Variants in RGL1 observed in about 807,000 individuals in gnomAD.
The protein encoded by RGL1 is ral guanine nucleotide dissociation stimulator like 1, also known as ral guanine nucleotide dissociation stimulator-like 1.
Under a neutral mutation model 95.2 loss-of-function variants are expected in RGL1, and 24 were observed. That is an observed-to-expected ratio of 0.25 (90% CI 0.18 to 0.35). RGL1 has a LOEUF of 0.35. Ranked by LOEUF, RGL1 falls within the 10% of genes least tolerant of loss-of-function variation. RGL1 has a pLI of 1.00. For synonymous variants in RGL1, 329 were observed against 344.9 expected, an observed-to-expected ratio of 0.95 and a Z score of 0.51; for missense variants, 715 against 936.3, an observed-to-expected ratio of 0.76 and a Z score of 3.08.
intron 1 of RGL1, among the ~76,000 whole-genome samples, chr1:183,668,375 C>T (rs1410484200): frequency 6.6e-6 from 1 of 151,954 alleles, no homozygotes; most frequent in African/African-American, 2.4e-5. Context: ...TTCTTCCACT[C>T]TCTTCTTGCT....
intron 17 of RGL1, among the ~76,000 whole-genome samples, chr1:183,924,209 A>G (rs149433797): frequency 1.3e-5 from 2 of 152,220 alleles, no homozygotes; most frequent in Non-Finnish European, 2.9e-5. Flanking sequence ...AAAACCTGGA[A>G]CCAACGCAAA....
At chr1:183,785,904 G>A (rs925439516) in intron 2 of RGL1, among the ~76,000 whole-genome samples, 6 of 152,126 alleles carry the variant, frequency 3.9e-5, no homozygotes, top group African/African-American at 1.2e-4. Flanking sequence ...GGGCAACAGA[G>A]TGTGACCCCA....
chr1:183,873,985 A>G (rs1457003267), intron 4 of RGL1, among the ~76,000 whole-genome samples: 1 of 152,168 alleles, frequency 6.6e-6, no homozygotes, highest in Non-Finnish European at 1.5e-5. Context: ...ATTTTTTTCA[A>G]TAGAGTTCTA....
intron 2 of RGL1, among the ~76,000 whole-genome samples, chr1:183,812,013 T>C (rs1661749506): frequency 6.6e-6 from 1 of 152,220 alleles, no homozygotes; most frequent in Non-Finnish European, 1.5e-5. Context: ...AGCTGGAATT[T>C]GTCACTGCCC....
In RGL1 at chr1:183,911,956, AAAT is replaced by A. The variant is rs1459504909; in HGVS notation, c.1563-119_1563-117del. The A allele has an allele frequency of 5.1e-6, 4 of 784,580 alleles. No individual in the cohort carries two copies. The African/African-American group carries it at 7.0e-5, about 14-fold the overall frequency. The allele number at this position is 784,580 out of a possible 1,614,324, so 48.6% of individuals were successfully genotyped here. The stretch of plus-strand genomic sequence containing the variant: ...AAACTTTATAGCGAATGTCCTCCTA[AAAT>A]AATAATGACAGAACACACAAGACTG... On this transcript the variant is annotated intron_variant, in intron 14 of 17. Coordinates refer to ENST00000360851, the MANE Select transcript of RGL1 (RefSeq NM_001297671.3).
At chr1:183,683,894 T>C (rs1558151813) in intron 1 of RGL1, among the ~76,000 whole-genome samples, 1 of 152,318 alleles carries the variant, frequency 6.6e-6, no homozygotes, top group Non-Finnish European at 1.5e-5. Context: ...AATCTTGTCT[T>C]CACACTTTAT....
chr1:183,645,801 A>G (rs1314207429), intron 1 of RGL1, among the ~76,000 whole-genome samples: 1 of 152,252 alleles, frequency 6.6e-6, no homozygotes, highest in Non-Finnish European at 1.5e-5. Context: ...TGCCTTGGAC[A>G]GTATATCTTT....
chr1:183,687,371 G>C (rs1407377433), intron 1 of RGL1, among the ~76,000 whole-genome samples: 1 of 152,190 alleles, frequency 6.6e-6, no homozygotes, highest in Admixed American at 6.5e-5. Flanking sequence ...TGCTTGTTCA[G>C]TAGTTGGGAA....
chr1:183,655,899 C>T (rs529557454), intron 1 of RGL1, among the ~76,000 whole-genome samples: 105 of 152,266 alleles, frequency 6.9e-4, no homozygotes, highest in African/African-American at 2.5e-3. Context: ...CTAAAGAAGG[C>T]TTCCAACTCT....
At chr1:183,676,392 T>C (rs1221296480) in intron 1 of RGL1, among the ~76,000 whole-genome samples, 2 of 151,018 alleles carry the variant, frequency 1.3e-5, no homozygotes, top group African/African-American at 4.9e-5. Flanking sequence ...ACCCACATAG[T>C]TGAGCCATTC....
Position 183,926,096 on chromosome 1 carries a change from C to G in RGL1, c.2120-9C>G, listed in dbSNP as rs200461477. 1,005 of 1,611,144 alleles carry G rather than the reference C, an allele frequency of 6.2e-4. 1 individual carries two copies. The highest frequency in any genetic ancestry group is 6.6e-4 in the Non-Finnish European group (775 of 1,178,356). ...AGCTGACCATCTTATCTTTCCTTATCTTTTTCAGAACTTGTGATTCCAGAC... is the reference window on the plus strand; with the variant it reads ...AGCTGACCATCTTATCTTTCCTTATGTTTTTCAGAACTTGTGATTCCAGAC... On this transcript the variant is annotated splice_polypyrimidine_tract_variant and intron_variant, in intron 17 of 17. Transcript: ENST00000360851.
chr1:183,900,046 G>A (rs1017497182), intron 10 of RGL1, 104 bp from the exon 11 acceptor site: 20 of 775,126 alleles, frequency 2.6e-5, no homozygotes, highest in Middle Eastern at 4.7e-4. Flanking sequence ...CCACTGGCCC[G>A]CAGTTAGGCC....
At chr1:183,895,569 A>G (rs1667644790) in intron 9 of RGL1, among the ~76,000 whole-genome samples, 1 of 152,208 alleles carries the variant, frequency 6.6e-6, no homozygotes, top group Admixed American at 6.5e-5. Flanking sequence ...GATAACTTTG[A>G]CAAAAAGAAG....
Position 183,671,956 on chromosome 1 carries a change from A to AG in RGL1, c.-33+35456dup, listed in dbSNP as rs559037164. On this transcript the variant is annotated intron_variant, in intron 1 of 18. Coordinates refer to the RGL1 transcript ENST00000304685. Reference sequence around the variant, plus strand: ...TTTTTTTCTTTTTTTTTTTTGAGACAGAGCCTTGCTCTGTCACCCAGGCTG... The same window carrying AG: ...TTTTTTTCTTTTTTTTTTTTGAGACAGGAGCCTTGCTCTGTCACCCAGGCTG... 2.5e-4 allele frequency among the ~76,000 whole-genome samples: 37 copies of AG among 148,664 alleles called. 1 individual carries two copies. In the East Asian group the frequency reaches 5.9e-3, roughly 24 times the overall value.
intron 1 of RGL1, among the ~76,000 whole-genome samples, chr1:183,727,168 A>T (rs1047022140): frequency 1.1e-4 from 17 of 152,192 alleles, no homozygotes; most frequent in Non-Finnish European, 2.2e-4. Flanking sequence ...TGATAATCAA[A>T]TAATGTTTAT....
At chr1:183,917,875 T>C (rs1018883281) in intron 16 of RGL1, among the ~76,000 whole-genome samples, 3 of 152,220 alleles carry the variant, frequency 2.0e-5, no homozygotes, top group Non-Finnish European at 2.9e-5. Flanking sequence ...AAGAAAGTCA[T>C]GGCACTGTGT....
At chr1:183,760,601 G>A (rs972177449) in intron 2 of RGL1, among the ~76,000 whole-genome samples, 3 of 148,508 alleles carry the variant, frequency 2.0e-5, no homozygotes, top group Non-Finnish European at 4.5e-5. Context: ...AAACAAACCT[G>A]GGTGTGGTGG....
At chr1:183,906,885 G>A (rs1005691592) in intron 13 of RGL1, 127 bp from the exon 14 acceptor site, 11 of 663,280 alleles carry the variant, frequency 1.7e-5, no homozygotes, top group Non-Finnish European at 2.5e-5. Context: ...ATAGGACAAC[G>A]TTTGTATATA....
rs752514976 is a variant in RGL1 at position 183,912,077 on chromosome 1, T to C, written c.1563-5T>C. The C allele has an allele frequency of 7.5e-6, 12 of 1,610,622 alleles. 1 individual carries two copies. The East Asian group carries it at 2.2e-4, about 30-fold the overall frequency. ...CCAAATGCTTGGCATTCTGTTTTTTTCCAGACTGTTTCTAGGGTCTGACAT... is the reference window on the plus strand; with the variant it reads ...CCAAATGCTTGGCATTCTGTTTTTTCCCAGACTGTTTCTAGGGTCTGACAT... On this transcript the variant is annotated splice_region_variant and splice_polypyrimidine_tract_variant and intron_variant, in intron 14 of 17. Transcript: ENST00000360851.
Sources: allele counts gnomAD v4.1 joint callset (sites outside exome capture counted in the v4.1 genomes callset), GRCh38; gene constraint gnomAD v4.1.1; transcripts MANE v1.5; gene names NCBI Gene and HGNC (gene_info 2026-07-23, HGNC 2026-07-21).